The following DIP2A variants were observed in gnomAD, a reference collection of about 807,000 sequenced individuals.
DIP2A encodes disco-interacting protein 2 homolog A.
A neutral mutation model predicts 177.4 loss-of-function variants in DIP2A; 85 were observed. The observed-to-expected ratio is 0.48, with a 90% CI of 0.40 to 0.57. The LOEUF (loss-of-function observed/expected upper bound fraction) is 0.57, where lower values mean the gene tolerates loss of function less well. Ranked by LOEUF, DIP2A falls within the 20% of genes least tolerant of loss-of-function variation. DIP2A has a pLI of 0.00. For missense variants in DIP2A, 1,791 were observed against 2,100.2 expected, an observed-to-expected ratio of 0.85 and a Z score of 2.88; for synonymous variants, 886 against 881.8, an observed-to-expected ratio of 1.00 and a Z score of -0.08.
the DIP2A span, among the ~76,000 whole-genome samples, chr21:46,579,560 G>A: frequency 6.6e-6 from 1 of 152,126 alleles, no homozygotes; most frequent in Non-Finnish European, 1.5e-5. Context: ...GTCAATTGGA[G>A]ATCCTCCTAG....
At chr21:46,565,584 T>C (rs899961215) in intron 35 of DIP2A, 129 bp from the exon 36 acceptor site, 1 of 944,984 alleles carries the variant, frequency 1.1e-6, no homozygotes, top group Non-Finnish European at 1.6e-6. Flanking sequence ...TAAGAGACAA[T>C]GAATATTATC....
At chr21:46,476,652 ATTT>A (rs111428142) in intron 1 of DIP2A, among the ~76,000 whole-genome samples, 9 of 129,884 alleles carry the variant, frequency 6.9e-5, no homozygotes, top group Non-Finnish European at 6.6e-5. Flanking sequence ...GCATCACTCT[ATTT>A]TTTTTTTTTT....
intron 1 of DIP2A, among the ~76,000 whole-genome samples, chr21:46,483,207 G>T (rs1406469675): frequency 1.3e-5 from 2 of 151,982 alleles, no homozygotes; most frequent in Non-Finnish European, 2.9e-5. Flanking sequence ...TGCCATTCGG[G>T]TCAATTAAAA....
intron 18 of DIP2A, among the ~76,000 whole-genome samples, chr21:46,542,878 C>T (rs1428549571): frequency 6.6e-6 from 1 of 152,238 alleles, no homozygotes; most frequent in Non-Finnish European, 1.5e-5. Flanking sequence ...GCAACTCTGC[C>T]TCTTGCAGGC....
At chr21:46,554,521 C>T (rs1601824221) in intron 26 of DIP2A, 54 bp from the exon 27 acceptor site, 5 of 1,594,146 alleles carry the variant, frequency 3.1e-6, no homozygotes, top group Non-Finnish European at 2.6e-6. Flanking sequence ...TGAACAGAGG[C>T]TGGTGGGAGC....
the DIP2A span, among the ~76,000 whole-genome samples, chr21:46,578,939 C>T: frequency 6.6e-6 from 1 of 152,100 alleles, no homozygotes; most frequent in Non-Finnish European, 1.5e-5. Context: ...TTATCTCTGC[C>T]AGGTTTTGGT....
chr21:46,546,094 A>C (rs1231853077), intron 20 of DIP2A, 133 bp downstream of exon 20: 1 of 1,508,892 alleles, frequency 6.6e-7, no homozygotes, highest in South Asian at 1.3e-5. Context: ...GGTGGCGCTG[A>C]CCTCCCTGCC....
intron 1 of DIP2A, 140 bp from the exon 2 acceptor site, chr21:46,484,616 TG>T: frequency 1.5e-6 from 1 of 647,870 alleles, no homozygotes; most frequent in Non-Finnish European, 2.5e-6. Context: ...TTCCATTTTA[TG>T]GGTCCATTAT....
At chr21:46,484,582 T>C (rs1384034394) in intron 1 of DIP2A, among the ~76,000 whole-genome samples, 175 bp from the exon 2 acceptor site, 4 of 152,352 alleles carry the variant, frequency 2.6e-5, no homozygotes, top group African/African-American at 9.6e-5. Context: ...CAGTAGTTTG[T>C]TCCTTTTTTA....
At chr21:46,496,153 A>G (rs1034719402) in intron 3 of DIP2A, among the ~76,000 whole-genome samples, 4 of 151,616 alleles carry the variant, frequency 2.6e-5, no homozygotes, top group South Asian at 2.1e-4. Context: ...CTCCTGCCTC[A>G]GCCTCCTAGA....
intron 8 of DIP2A, among the ~76,000 whole-genome samples, chr21:46,512,861 A>G (rs1439074963): frequency 6.6e-6 from 1 of 151,638 alleles, no homozygotes; most frequent in Non-Finnish European, 1.5e-5. Context: ...GGGTCTCCCT[A>G]TGTTGCCCAG....
rs144523557 is a variant in DIP2A at position 46,534,314 on chromosome 21, C to G, written c.1539+201C>G. Among the ~76,000 whole-genome samples, 396 of 152,304 alleles carry G rather than the reference C, an allele frequency of 2.6e-3. 1 individual carries two copies. The highest frequency in any genetic ancestry group is 9.2e-3 in the African/African-American group (381 of 41,558). On this transcript the variant is annotated intron_variant, in intron 12 of 37. Transcript: ENST00000417564. ...AGGTTTCTCTCTCATCTAATTCTCT[C>G]CTAACTGGCTCCCTGGGGATGCAGA...
intron 3 of DIP2A, among the ~76,000 whole-genome samples, chr21:46,493,524 T>G (rs1162193007): frequency 1.3e-5 from 2 of 151,642 alleles, no homozygotes; most frequent in Non-Finnish European, 2.9e-5. Flanking sequence ...CATATTTAAA[T>G]GATAATTTGG....
At chr21:46,579,510 G>C in the DIP2A span, among the ~76,000 whole-genome samples, 1 of 151,960 alleles carries the variant, frequency 6.6e-6, no homozygotes, top group Non-Finnish European at 1.5e-5. Flanking sequence ...GGGTTTGTTT[G>C]CTCTTGGTTC....
chr21:46,514,308 C>T (rs533557696), intron 8 of DIP2A, among the ~76,000 whole-genome samples: 28 of 151,908 alleles, frequency 1.8e-4, no homozygotes, highest in African/African-American at 5.6e-4. Flanking sequence ...TGGTGGTGGG[C>T]GCCTGTAGTC....
chr21:46,533,498 C>T (rs2059434526), intron 10 of DIP2A, 26 bp from the exon 11 acceptor site: 2 of 1,607,736 alleles, frequency 1.2e-6, no homozygotes, highest in Non-Finnish European at 1.7e-6. Context: ...GCACCCCACC[C>T]CACACGGTCA....
chr21:46,504,783 G>A, intron 6 of DIP2A, among the ~76,000 whole-genome samples: 1 of 152,316 alleles, frequency 6.6e-6, no homozygotes, highest in East Asian at 1.9e-4. Context: ...ATATAGTAGG[G>A]AAATGAGAAG....
At chr21:46,522,966 C>A (rs887129034) in intron 8 of DIP2A, among the ~76,000 whole-genome samples, 4 of 151,992 alleles carry the variant, frequency 2.6e-5, no homozygotes, top group African/African-American at 9.6e-5. Context: ...GCTCTTGTTG[C>A]CCAGGCTGGA....
chr21:46,527,640 T>TC (rs1425393009), intron 8 of DIP2A, among the ~76,000 whole-genome samples: 1 of 152,036 alleles, frequency 6.6e-6, no homozygotes, highest in African/African-American at 2.4e-5. Context: ...ATTTTTTTTT[T>TC]CTCATTCATT....
Sources: allele counts gnomAD v4.1 joint callset (sites outside exome capture counted in the v4.1 genomes callset), GRCh38; gene constraint gnomAD v4.1.1; transcripts MANE v1.5; gene names NCBI Gene and HGNC (gene_info 2026-07-23, HGNC 2026-07-21).